Variants in HDAC9 observed in about 807,000 individuals in gnomAD.
The protein encoded by HDAC9 is MEF-2 interacting transcription repressor (MITR) protein.
Under a neutral mutation model 139.4 loss-of-function variants are expected in HDAC9, and 41 were observed. The observed-to-expected ratio is 0.29, with a 90% confidence interval of 0.23 to 0.38. The LOEUF is 0.38. HDAC9 is among the 10% of genes least tolerant of loss of function. HDAC9 has a pLI of 1.00. For synonymous variants in HDAC9, 517 were observed against 476.2 expected, an observed-to-expected ratio of 1.09 and a Z score of -1.12; for missense variants, 1,147 against 1,297.0, an observed-to-expected ratio of 0.88 and a Z score of 1.78.
intron 6 of HDAC9, among the ~76,000 whole-genome samples, chr7:18,615,875 C>G (rs79601095): frequency 3.3e-5 from 5 of 152,164 alleles, no homozygotes; most frequent in African/African-American, 1.2e-4. Flanking sequence ...CTAAACCAAT[C>G]TATATTTATT....
rs1430943604 is a variant in HDAC9 at position 18,996,355 on chromosome 7, C to CAAGT, written c.*294_*297dup. 3.2e-6 allele frequency: 1 copy of CAAGT among 311,412 alleles called. No homozygotes were observed. The highest frequency in any genetic ancestry group is 6.1e-6 in the Non-Finnish European group (1 of 163,652). 19.3% of individuals were successfully genotyped at this position (311,412 alleles called of 1,614,324 possible). A position where few individuals can be genotyped will look rare whatever the true frequency, so the allele number is the denominator to read the frequency against. Reference sequence around the variant, plus strand: ...TGCTGGGTGACCCACTCCTAGACACCAAGTTTGAACTAGAAACATTCAGTA... The same window carrying CAAGT: ...TGCTGGGTGACCCACTCCTAGACACCAAGTAAGTTTGAACTAGAAACATTCAGTA... On this transcript the variant is annotated 3_prime_UTR_variant, in exon 26 of 26. Transcript: ENST00000686413.
Position 18,601,269 on chromosome 7 carries a change from G to A in HDAC9, c.664+7240G>A, listed in dbSNP as rs190497088. ...GTGTTTTAAATTTCAAATTCAAATG[G>A]TTCATTGCTGGCATATAGGAAAGCA... On this transcript the variant is annotated intron_variant, in intron 6 of 25. Coordinates refer to ENST00000686413, the MANE Select transcript of HDAC9 (RefSeq NM_178425.4). Among the ~76,000 whole-genome samples, 361 of 152,138 alleles carry A rather than the reference G, an allele frequency of 2.4e-3. 2 individuals carry two copies. The highest frequency in any genetic ancestry group is 8.4e-3 in the African/African-American group (347 of 41,500).
At chr7:18,944,755 C>T (rs560734766) in intron 23 of HDAC9, among the ~76,000 whole-genome samples, 1 of 152,022 alleles carries the variant, frequency 6.6e-6, no homozygotes, top group Non-Finnish European at 1.5e-5. Flanking sequence ...TTTCTGATGT[C>T]TAAGACTATA....
intron 1 of HDAC9, among the ~76,000 whole-genome samples, chr7:18,116,602 C>T (rs866951966): frequency 1.1e-4 from 17 of 151,888 alleles, no homozygotes; most frequent in Admixed American, 4.6e-4. Flanking sequence ...GGTTAACATA[C>T]GTATCAAATA....
chr7:18,918,478 T>C (rs1803407440), intron 22 of HDAC9, among the ~76,000 whole-genome samples: 1 of 152,096 alleles, frequency 6.6e-6, no homozygotes, highest in Admixed American at 6.6e-5. Context: ...ACTTAATATA[T>C]GATTTTTATA....
chr7:18,773,572 C>T (rs904586731), intron 16 of HDAC9, among the ~76,000 whole-genome samples: 3 of 151,714 alleles, frequency 2.0e-5, no homozygotes, highest in Non-Finnish European at 4.4e-5. Context: ...ATCTGTGGCT[C>T]GATTAAATAA....
intron 1 of HDAC9, among the ~76,000 whole-genome samples, chr7:18,377,397 A>G (rs1678717048): frequency 6.6e-6 from 1 of 152,168 alleles, no homozygotes; most frequent in Non-Finnish European, 1.5e-5. Flanking sequence ...AAATGAGCAT[A>G]AGTTTTATGT....
intron 2 of HDAC9, among the ~76,000 whole-genome samples, chr7:18,504,602 G>C (rs1799258932): frequency 6.6e-6 from 1 of 152,190 alleles, no homozygotes; most frequent in Admixed American, 6.5e-5. Context: ...GCTGCGCCCA[G>C]CCTAGTTCCA....
chr7:18,359,756 G>A (rs1473367200), intron 1 of HDAC9, among the ~76,000 whole-genome samples: 3 of 152,012 alleles, frequency 2.0e-5, no homozygotes, highest in Admixed American at 6.6e-5. Flanking sequence ...CCACAGGCAC[G>A]CACCACCGTG....
At chr7:18,715,871 G>T (rs1420026259) in intron 12 of HDAC9, among the ~76,000 whole-genome samples, 1 of 152,082 alleles carries the variant, frequency 6.6e-6, no homozygotes, top group Non-Finnish European at 1.5e-5. Context: ...ATTCAGAGAT[G>T]CACACTCTCA....
At chr7:18,907,572 G>T (rs1392093225) in intron 22 of HDAC9, among the ~76,000 whole-genome samples, 1 of 152,214 alleles carries the variant, frequency 6.6e-6, no homozygotes, top group African/African-American at 2.4e-5. Flanking sequence ...AAAGGTCAAA[G>T]GAAGGACCAC....
chr7:18,231,621 G>A (rs1260484375), intron 2 of HDAC9, among the ~76,000 whole-genome samples: 2 of 152,186 alleles, frequency 1.3e-5, no homozygotes, highest in Non-Finnish European at 2.9e-5. Context: ...AATTAGAGTG[G>A]AATTTTAACA....
rs571723403 is a variant in HDAC9, at chr7:18,140,924, T to C, written c.-96-21305T>C. Among the ~76,000 whole-genome samples the C allele has an allele frequency of 3.3e-5, 5 of 151,586 alleles. No individual in the cohort carries two copies. In the South Asian group the frequency reaches 1.0e-3, roughly 31 times the overall value. ...AACTTTAAAGTTTTTTTTTTTTTTT[T>C]AAAGAGAGTGTCTACAATAGAATTT... On this transcript the variant is annotated intron_variant, in intron 1 of 12. Transcript: ENST00000417496.
At chr7:18,706,030 G>C (rs1783881093) in intron 12 of HDAC9, among the ~76,000 whole-genome samples, 1 of 151,898 alleles carries the variant, frequency 6.6e-6, no homozygotes. Context: ...CCTAGATACT[G>C]ACCCACAGAC....
intron 7 of HDAC9, among the ~76,000 whole-genome samples, 158 bp from the exon 8 acceptor site, chr7:18,634,469 G>C (rs1192864984): frequency 6.6e-6 from 1 of 151,894 alleles, no homozygotes; most frequent in Non-Finnish European, 1.5e-5. Flanking sequence ...TGAAAATTCA[G>C]AGTTACTGCA....
At chr7:18,386,880 T>C (rs1294453267) in intron 1 of HDAC9, among the ~76,000 whole-genome samples, 3 of 152,204 alleles carry the variant, frequency 2.0e-5, no homozygotes, top group Non-Finnish European at 4.4e-5. Flanking sequence ...GCCAAATTCA[T>C]TCTCTGCTTT....
chr7:18,159,700 A>G (rs999885625), intron 1 of HDAC9, among the ~76,000 whole-genome samples: 1 of 152,162 alleles, frequency 6.6e-6, no homozygotes, highest in Admixed American at 6.6e-5. Context: ...TGTGGCAGTA[A>G]TGATAACTTT....
chr7:18,354,344 G>A (rs892828490), intron 1 of HDAC9, among the ~76,000 whole-genome samples: 3 of 152,096 alleles, frequency 2.0e-5, no homozygotes, highest in Non-Finnish European at 4.4e-5. Context: ...ATGAAAATAT[G>A]CAGGCCAGTC....
At chr7:18,497,132 C>T (rs1797152017) in intron 2 of HDAC9, among the ~76,000 whole-genome samples, 4 of 152,120 alleles carry the variant, frequency 2.6e-5, no homozygotes, top group South Asian at 4.1e-4. Context: ...TATCACTTAA[C>T]GTGTAATTAT....
Sources: gnomAD v4.1 joint callset for allele counts (sites outside exome capture counted in the v4.1 genomes callset) on GRCh38, gnomAD v4.1.1 for gene constraint, MANE v1.5 for transcripts, NCBI Gene and HGNC (gene_info 2026-07-23, HGNC 2026-07-21) for gene names.